Variants in SRSF1 observed in about 807,000 individuals in gnomAD.
The protein encoded by SRSF1 is serine/arginine-rich splicing factor 1.
A neutral mutation model predicts 25.9 loss-of-function variants in SRSF1; 1 was observed. The ratio of observed to expected loss-of-function variants is 0.04; its 90% CI spans 0.01 to 0.18. The LOEUF is 0.18. Among genes scored for constraint, SRSF1 ranks in the 10% least tolerant of loss-of-function variants. The pLI is 1.00. For missense variants in SRSF1, 65 were observed against 350.5 expected, an observed-to-expected ratio of 0.19 and a Z score of 6.50; for synonymous variants, 132 against 126.2, an observed-to-expected ratio of 1.05 and a Z score of -0.31.
chr17:58,001,777 T>C lies in SRSF1; in HGVS notation c.*3629A>G, dbSNP rs2075392804. The stretch of plus-strand genomic sequence containing the variant: ...AAATAGGAGCAGTCCATACTTCCCA[T>C]CACAGCTTTTAGCTGTCTGGTCATC... On this transcript the variant is annotated 3_prime_UTR_variant, in exon 4 of 4. Coordinates refer to ENST00000258962, the MANE Select transcript of SRSF1 (RefSeq NM_006924.5). Among the ~76,000 whole-genome samples the C allele has an allele frequency of 1.3e-5, 2 of 152,220 alleles. No individual in the cohort carries two copies. Among genetic ancestry groups the C allele is most frequent in the African/African-American group, 4.8e-5 (2 of 41,462 alleles).
In SRSF1 at chr17:58,004,204, G is replaced by A. The variant is rs2075411329; in HGVS notation, c.*1202C>T. 6.6e-6 allele frequency: 1 copy of A among 152,608 alleles called. No homozygotes were observed. The highest frequency in any genetic ancestry group is 2.4e-5 in the African/African-American group (1 of 41,432). The allele number at this position is 152,608 out of a possible 1,614,324, so 9.5% of individuals were successfully genotyped here. A position where few individuals can be genotyped will look rare whatever the true frequency, so the allele number is the denominator to read the frequency against. On this transcript the variant is annotated 3_prime_UTR_variant, in exon 4 of 4. Transcript: ENST00000258962. ...TCATCATAGAGACTAATTGGAAGAA[G>A]CATTTTGTATTTACAGTTCAACTGA... is the stretch of plus-strand genomic sequence containing the variant.
chr17:57,997,338 G>A (rs956628848), downstream of SRSF1, among the ~76,000 whole-genome samples: 1 of 152,276 alleles, frequency 6.6e-6, no homozygotes, highest in Admixed American at 6.5e-5. Context: ...AATCCACCCA[G>A]TTAACGAATA....
In SRSF1 at chr17:58,005,530, C is replaced by G. The variant is rs2075421088; in HGVS notation, c.623G>C (p.Arg208Pro). ...ACGGCTTCTGCTACGACTACGGCTT[C>G]GAGATCGAGATCTTCCATAACTTGG... ...RSPSYGRSRSRSRSRSRSRSR... is the reference protein window; with the variant it reads ...RSPSYGRSRSPSRSRSRSRSR... The change falls in exon 4 of 4, where the codon CGA (arginine) becomes CCA (proline). Residue 208 changes from arginine (R) to proline (P), a missense_variant. Physicochemically the swap from Arg to Pro is moderately radical, Grantham distance 103. This residue lies in a region of SRSF1 where 63 missense variants were observed against 284.8 expected (regional missense o/e 0.22). Transcript: ENST00000258962. This position sits in a 1 kb window ranked among gnomAD's most constrained non-coding sequence, Gnocchi z 5.2. The G allele has an allele frequency of 6.2e-7, 1 of 1,614,044 alleles. No individual in the cohort carries two copies.
Position 58,005,164 on chromosome 17 carries a change from A to C in SRSF1, c.*242T>G. 1 of 565,046 alleles carries C rather than the reference A, an allele frequency of 1.8e-6. No homozygotes were observed. Among genetic ancestry groups the C allele is most frequent in the Non-Finnish European group, 3.1e-6 (1 of 320,744 alleles). 35.0% of individuals were successfully genotyped at this position (565,046 alleles called of 1,614,324 possible). Reference sequence around the variant, plus strand: ...CAGATAGACATTTACACAATATCACAGTCTGAAGAGTATGGAGTTAACTAA... The same window carrying C: ...CAGATAGACATTTACACAATATCACCGTCTGAAGAGTATGGAGTTAACTAA... On this transcript the variant is annotated 3_prime_UTR_variant, in exon 4 of 4. Coordinates refer to ENST00000258962, the MANE Select transcript of SRSF1 (RefSeq NM_006924.5). The surrounding 1 kb of genome is among the most constrained non-coding windows in gnomAD (Gnocchi z 5.2).
Position 58,006,860 on chromosome 17 carries a change from C to G in SRSF1, c.194+84G>C. 9 of 1,501,878 alleles carry G rather than the reference C, an allele frequency of 6.0e-6. No individual in the cohort carries two copies. In the South Asian group the frequency reaches 9.8e-5, roughly 16 times the overall value. The allele number at this position is 1,501,878 out of a possible 1,614,324, so 93.0% of individuals were successfully genotyped here. ...CAACCTCTCTAAGAGCCCCCGCTTC[C>G]CCGTTCTCTATGTTAAGGCCTTGGA... On this transcript the variant is annotated intron_variant, in intron 1 of 3. Transcript: ENST00000258962.
chr17:58,005,199 A>T lies in SRSF1; in HGVS notation c.*207T>A, dbSNP rs2075418644. The T allele has an allele frequency of 1.7e-6, 1 of 605,532 alleles. No individual in the cohort carries two copies. The highest frequency in any genetic ancestry group is 2.2e-5 in the South Asian group (1 of 46,202). 37.5% of individuals were successfully genotyped at this position (605,532 alleles called of 1,614,324 possible). On this transcript the variant is annotated 3_prime_UTR_variant, in exon 4 of 4. Transcript: ENST00000258962. This position sits in a 1 kb window ranked among gnomAD's most constrained non-coding sequence, Gnocchi z 5.2. ...GTATGGAGTTAACTAAATTTAAACA[A>T]TCCTGTCTATGACATCACTTAAAAT...
chr17:57,997,188 T>TG (rs1452150500), downstream of SRSF1, among the ~76,000 whole-genome samples: 2 of 152,248 alleles, frequency 1.3e-5, no homozygotes, highest in Non-Finnish European at 2.9e-5. Context: ...GTCTTACAAT[T>TG]GGTCTTACTT....
At position 58,005,797 on chromosome 17, in the gene SRSF1, C is replaced by G; in HGVS notation, c.552+4G>C. ...TCAAAGAAAAGAATACGTGTATAAC[C>G]TACCTCATGAGATCTAAACTTAGTG... On this transcript the variant is annotated splice_donor_region_variant and intron_variant, in intron 3 of 3. Transcript: ENST00000258962. This position sits in a 1 kb window ranked among gnomAD's most constrained non-coding sequence, Gnocchi z 5.2. The G allele has an allele frequency of 6.2e-7, 1 of 1,614,150 alleles. No individual in the cohort carries two copies. Among genetic ancestry groups the G allele is most frequent in the Non-Finnish European group, 8.5e-7 (1 of 1,180,028 alleles).
the SRSF1 span, chr17:57,990,940 G>A: frequency 2.0e-5 from 3 of 152,124 alleles, no homozygotes; most frequent in Non-Finnish European, 2.9e-5. Context: ...ACCTCACAAT[G>A]GTCACCTGTG....
downstream of SRSF1, among the ~76,000 whole-genome samples, chr17:57,999,906 A>C (rs2075379598): frequency 6.6e-6 from 1 of 152,148 alleles, no homozygotes; most frequent in Non-Finnish European, 1.5e-5. Flanking sequence ...TTGTCTGGTA[A>C]CAGAAGTCTG....
intron 1 of SRSF1, 99 bp downstream of exon 1, chr17:58,006,845 A>G: frequency 7.0e-7 from 1 of 1,421,830 alleles, no homozygotes; most frequent in Non-Finnish European, 9.7e-7. Context: ...CAACCTCTCT[A>G]AGAGCCCCCG....
At chr17:57,996,483 TAAAAA>T (rs10677825), downstream of SRSF1, among the ~76,000 whole-genome samples, 3 of 72,386 alleles carry the variant, frequency 4.1e-5, no homozygotes, top group African/African-American at 1.1e-4. Flanking sequence ...GACACTGTCT[TAAAAA>T]AAAAAAAAAA....
chr17:57,998,207 G>A (rs958756203), downstream of SRSF1, among the ~76,000 whole-genome samples: 3 of 151,992 alleles, frequency 2.0e-5, no homozygotes, highest in African/African-American at 7.3e-5. Context: ...GAGACCCTGT[G>A]TCAAAAACAA....
rs564292402 is a variant in SRSF1 at position 58,001,629 on chromosome 17, G to A, written c.*3777C>T. ...ATAGGCTCCCTAAAATATTCTAAGG[G>A]GACATAAATAGGGAGAAGAGGGGGA... On this transcript the variant is annotated 3_prime_UTR_variant, in exon 4 of 4. Coordinates refer to ENST00000258962, the MANE Select transcript of SRSF1 (RefSeq NM_006924.5). Among the ~76,000 whole-genome samples, 1 of 152,198 alleles carries A rather than the reference G, an allele frequency of 6.6e-6. No individual in the cohort carries two copies. Among genetic ancestry groups the A allele is most frequent in the African/African-American group, 2.4e-5 (1 of 41,496 alleles).
the SRSF1 span, chr17:57,989,978 G>A: frequency 2.1e-5 from 8 of 378,550 alleles, no homozygotes; most frequent in Non-Finnish European, 3.7e-5. Context: ...TCATTCAGTG[G>A]ATAGCAAATC....
chr17:58,006,041 A>G, intron 2 of SRSF1, 68 bp from the exon 3 acceptor site: 12 of 1,466,182 alleles, frequency 8.2e-6, no homozygotes, highest in Non-Finnish European at 1.1e-5. Context: ...GGTAAGGTAC[A>G]TTAGGACAAA....
downstream of SRSF1, among the ~76,000 whole-genome samples, chr17:57,996,913 A>G (rs1427366187): frequency 6.6e-6 from 1 of 152,238 alleles, no homozygotes; most frequent in Non-Finnish European, 1.5e-5. Flanking sequence ...ATCGTTATGT[A>G]TTAATCTCTT....
downstream of SRSF1, among the ~76,000 whole-genome samples, chr17:57,998,477 T>C (rs2075373102): frequency 6.6e-6 from 1 of 152,184 alleles, no homozygotes; most frequent in Non-Finnish European, 1.5e-5. Flanking sequence ...TTCTTAGCAC[T>C]TTACAATCTC....
the SRSF1 span, chr17:57,994,852 A>G: frequency 1.3e-5 from 2 of 152,268 alleles, no homozygotes; most frequent in Admixed American, 6.5e-5. Flanking sequence ...AAGCATGAGT[A>G]TTTCAGTAAA....
Sources: gnomAD v4.1 joint callset for allele counts (sites outside exome capture counted in the v4.1 genomes callset) on GRCh38, gnomAD v4.1.1 for gene constraint, gnomAD v4.1.1 regional missense constraint, Gnocchi (gnomAD v3.1) non-coding constraint, MANE v1.5 for transcripts, NCBI Gene and HGNC (gene_info 2026-07-23, HGNC 2026-07-21) for gene names.